NMNAT3: variants seen among roughly 807,000 people sequenced by gnomAD.
NMNAT3 encodes nicotinamide nucleotide adenylyltransferase 3, also known as nicotinamide/nicotinic acid mononucleotide adenylyltransferase 3.
In NMNAT3, 21 loss-of-function variants were observed where a neutral mutation model predicts 24.8. The observed-to-expected ratio is 0.85, with a 90% CI of 0.60 to 1.22. The LOEUF (loss-of-function observed/expected upper bound fraction) is 1.22. NMNAT3 is among the 50% of genes most tolerant of loss of function. NMNAT3 has a pLI of 0.00. For missense variants in NMNAT3, 387 were observed against 436.6 expected (o/e 0.89, Z 1.01); for synonymous variants, 136 against 155.2 (o/e 0.88, Z 0.92).
chr3:139,617,498 A>C (rs2055562124), intron 3 of NMNAT3, among the ~76,000 whole-genome samples: 2 of 152,260 alleles, frequency 1.3e-5, no homozygotes, highest in South Asian at 4.1e-4. Context: ...AGCAGTACCC[A>C]CCTGGTAGGG....
intron 3 of NMNAT3, among the ~76,000 whole-genome samples, chr3:139,596,964 A>ATATATATATATT (rs1405063694): frequency 9.2e-5 from 10 of 108,532 alleles, no homozygotes; most frequent in Non-Finnish European, 1.7e-4. Flanking sequence ...ATATATATAT[A>ATATATATATATT]TTTTTATTAC....
intron 6 of NMNAT3, chr3:139,570,375 A>G (rs2108035222): frequency 1.3e-5 from 2 of 152,224 alleles, no homozygotes; most frequent in Non-Finnish European, 2.9e-5. Flanking sequence ...ACTTTGTTCC[A>G]TTGCTGGTGA....
In NMNAT3 at chr3:139,567,239, T is replaced by C. The variant is rs1937380539; in HGVS notation, c.659-5847A>G. 2 of 151,806 alleles carry C rather than the reference T, an allele frequency of 1.3e-5. 1 individual carries two copies. Among genetic ancestry groups the C allele is most frequent in the South Asian group, 4.2e-4 (2 of 4,812 alleles). The allele number at this position is 151,806 out of a possible 1,614,324, so 9.4% of individuals were successfully genotyped here. A position where few individuals can be genotyped will look rare whatever the true frequency, so the allele number is the denominator to read the frequency against. Reference sequence around the variant, plus strand: ...CCTGAGACTTTGCTGAAGTTGCTTATCAGCTTGAGGAGATTTTGGGCTGAG... The same window carrying C: ...CCTGAGACTTTGCTGAAGTTGCTTACCAGCTTGAGGAGATTTTGGGCTGAG... On this transcript the variant is annotated intron_variant, in intron 6 of 6. Transcript: ENST00000643695.
intron 1 of NMNAT3, among the ~76,000 whole-genome samples, chr3:139,653,671 C>A (rs912403303): frequency 2.0e-5 from 3 of 152,146 alleles, no homozygotes; most frequent in Non-Finnish European, 4.4e-5. Context: ...GGGGCATAAG[C>A]CAGGTTTACG....
intron 1 of NMNAT3, among the ~76,000 whole-genome samples, chr3:139,660,355 T>C (rs1243963529): frequency 6.6e-6 from 1 of 152,204 alleles, no homozygotes; most frequent in African/African-American, 2.4e-5. Context: ...TCCACTCCAT[T>C]ACTCTTGTTA....
At chr3:139,621,508 A>AATT (rs2055771624) in intron 3 of NMNAT3, among the ~76,000 whole-genome samples, 1 of 152,110 alleles carries the variant, frequency 6.6e-6, no homozygotes, top group African/African-American at 2.4e-5. Flanking sequence ...AGTAGCTGTG[A>AATT]TTACAGGTGT....
intron 3 of NMNAT3, among the ~76,000 whole-genome samples, chr3:139,596,334 G>A (rs1300700943): frequency 1.3e-5 from 2 of 152,048 alleles, no homozygotes; most frequent in Non-Finnish European, 2.9e-5. Flanking sequence ...CAGGTCAAAG[G>A]AAACAGCCAT....
chr3:139,582,660 A>AAG (rs1553741393), intron 4 of NMNAT3, among the ~76,000 whole-genome samples: 2 of 149,530 alleles, frequency 1.3e-5, no homozygotes, highest in East Asian at 3.9e-4. Flanking sequence ...AAAAAAAAAA[A>AAG]AAAAGAAAAG....
chr3:139,616,697 C>G (rs923499858), intron 3 of NMNAT3, among the ~76,000 whole-genome samples: 1 of 152,136 alleles, frequency 6.6e-6, no homozygotes, highest in African/African-American at 2.4e-5. Flanking sequence ...CTGTTTATTG[C>G]CATTGTCACC....
At position 139,639,118 on chromosome 3, in the gene NMNAT3, C is replaced by T. The variant is rs559327580; in HGVS notation, c.-140-1056G>A. Among the ~76,000 whole-genome samples the T allele has an allele frequency of 1.6e-4, 24 of 152,346 alleles. No homozygotes were observed. In the South Asian group the frequency reaches 3.9e-3, roughly 25 times the overall value. On this transcript the variant is annotated intron_variant, in intron 1 of 6. Coordinates refer to ENST00000643695, the MANE Select transcript of NMNAT3 (RefSeq NM_001320510.2). The stretch of plus-strand genomic sequence containing the variant: ...CCTTAGAACTTTCTCTCTTACATCT[C>T]ATCCCATTCTACCTTACTCTCTATT...
intron 1 of NMNAT3, among the ~76,000 whole-genome samples, chr3:139,666,634 A>G (rs1283815503): frequency 6.6e-6 from 1 of 152,130 alleles, no homozygotes; most frequent in Admixed American, 6.6e-5. Flanking sequence ...TCTACAATAA[A>G]TTACTGTTAA....
intron 4 of NMNAT3, among the ~76,000 whole-genome samples, chr3:139,581,711 G>A (rs1419208213): frequency 6.6e-6 from 1 of 152,146 alleles, no homozygotes; most frequent in African/African-American, 2.4e-5. Flanking sequence ...GCGTGGAAGT[G>A]TGCTGTGGGG....
At chr3:139,643,852 A>G (rs1317052162) in intron 1 of NMNAT3, among the ~76,000 whole-genome samples, 3 of 152,246 alleles carry the variant, frequency 2.0e-5, no homozygotes, top group East Asian at 1.9e-4. Flanking sequence ...TGAAGATGGT[A>G]AATTTTATAT....
At chr3:139,606,947 T>A (rs2054974248) in intron 3 of NMNAT3, among the ~76,000 whole-genome samples, 1 of 152,104 alleles carries the variant, frequency 6.6e-6, no homozygotes, top group South Asian at 2.1e-4. Context: ...TTCCTTGCTT[T>A]CAGAACTGCA....
At chr3:139,617,278 A>G (rs768201343) in intron 3 of NMNAT3, among the ~76,000 whole-genome samples, 18 of 152,202 alleles carry the variant, frequency 1.2e-4, no homozygotes, top group Non-Finnish European at 1.9e-4. Context: ...TTCTGCTCCC[A>G]TGTATCCTTG....
intron 6 of NMNAT3, chr3:139,572,373 T>C (rs1212411557): frequency 1.3e-5 from 5 of 394,184 alleles, no homozygotes; most frequent in East Asian, 3.6e-5. Context: ...AGGAATACAA[T>C]AAACATTATA....
At chr3:139,670,512 A>G (rs543061685) in intron 1 of NMNAT3, among the ~76,000 whole-genome samples, 133 of 152,332 alleles carry the variant, frequency 8.7e-4, no homozygotes, top group African/African-American at 3.0e-3. Flanking sequence ...CCACTTTCAA[A>G]TAAACTACTC....
intron 3 of NMNAT3, among the ~76,000 whole-genome samples, chr3:139,591,139 A>G (rs2054149022): frequency 6.6e-6 from 1 of 150,988 alleles, no homozygotes; most frequent in Non-Finnish European, 1.5e-5. Context: ...AAGCAGGGCG[A>G]GGCATTGCCT....
chr3:139,645,624 T>C (rs1314229572), intron 1 of NMNAT3, among the ~76,000 whole-genome samples: 1 of 152,126 alleles, frequency 6.6e-6, no homozygotes, highest in Non-Finnish European at 1.5e-5. Flanking sequence ...AGGAGAAGGG[T>C]AAAGGGAACC....
Sources: allele counts gnomAD v4.1 joint callset (sites outside exome capture counted in the v4.1 genomes callset), GRCh38; gene constraint gnomAD v4.1.1; transcripts MANE v1.5; gene names NCBI Gene and HGNC (gene_info 2026-07-23, HGNC 2026-07-21).